The following ZFX variants were observed in gnomAD, a reference collection of about 807,000 sequenced individuals.
ZFX encodes the protein zinc finger X-chromosomal protein.
For missense variants in ZFX, 362 were observed against 628.3 expected (o/e 0.58, Z 4.53); for synonymous variants, 196 against 226.8 (o/e 0.86, Z 1.22).
chrX:24,155,073 C>T (rs948451020), intron 3 of ZFX, among the ~76,000 whole-genome samples: 8 of 110,574 alleles, frequency 7.2e-5, no homozygotes, highest in Admixed American at 6.8e-4. Flanking sequence ...AATAAACCCC[C>T]GTGACAGAAG....
At chrX:24,153,452 GCTCT>G (rs983461299) in intron 3 of ZFX, among the ~76,000 whole-genome samples, 1 of 111,667 alleles carries the variant, frequency 9.0e-6, no homozygotes, top group African/African-American at 3.3e-5. Flanking sequence ...TAGGGACCAA[GCTCT>G]GTGCGTGATG....
intron 3 of ZFX, among the ~76,000 whole-genome samples, chrX:24,168,778 G>A (rs1461370530): frequency 6.5e-5 from 7 of 107,806 alleles, no homozygotes; most frequent in Non-Finnish European, 1.3e-4. Context: ...ACTGGGAAGG[G>A]AATATCTTAC....
Position 24,157,615 on chromosome X carries a change from A to G in ZFX, c.-29+4785A>G, listed in dbSNP as rs1199516141. ...AAAGTGGGTGTCTGCCTTGAAAGAA[A>G]ATCCCATAAATAATAATGGATCATT... is the stretch of plus-strand genomic sequence containing the variant. On this transcript the variant is annotated intron_variant, in intron 3 of 9. Coordinates refer to ENST00000304543, the MANE Select transcript of ZFX (RefSeq NM_003410.4). Among the ~76,000 whole-genome samples, 5 of 112,160 alleles carry G rather than the reference A, an allele frequency of 4.5e-5. No homozygotes were observed. The East Asian group carries it at 1.4e-3, about 31-fold the overall frequency.
At chrX:24,161,803 T>G (rs1239461693) in intron 3 of ZFX, 2 of 107,843 alleles carry the variant, frequency 1.9e-5, no homozygotes, top group Non-Finnish European at 3.8e-5. Flanking sequence ...TTCAAGTGAT[T>G]CTTCTTCTGC....
At chrX:24,154,679 C>A (rs771498628) in intron 3 of ZFX, among the ~76,000 whole-genome samples, 1 of 111,726 alleles carries the variant, frequency 9.0e-6, no homozygotes, top group African/African-American at 3.3e-5. Context: ...GAAACACTTA[C>A]GGGAATCCAG....
chrX:24,174,127 C>T (rs1035611740), intron 4 of ZFX, among the ~76,000 whole-genome samples: 15 of 110,041 alleles, frequency 1.4e-4, no homozygotes, highest in East Asian at 5.8e-4. Context: ...GCCTGAGAAT[C>T]GGTTGAATCT....
rs183457906 is a variant in ZFX, at chrX:24,192,476, A to C, written c.646+12706A>C. 3.8e-3 allele frequency among the ~76,000 whole-genome samples: 426 copies of C among 111,846 alleles called. 2 individuals carry two copies. Among genetic ancestry groups the C allele is most frequent in the African/African-American group, 0.013 (408 of 30,781 alleles). On this transcript the variant is annotated intron_variant, in intron 5 of 9. Coordinates refer to ENST00000304543, the MANE Select transcript of ZFX (RefSeq NM_003410.4). ...AGGTTTATTGACTTCAAGTTTAATT[A>C]GAGTTTGAGACTGATTGTGTCCTCA... is the stretch of plus-strand genomic sequence containing the variant.
chrX:24,190,266 A>G (rs1208673181), intron 5 of ZFX, among the ~76,000 whole-genome samples: 1 of 111,688 alleles, frequency 9.0e-6, no homozygotes, highest in African/African-American at 3.2e-5. Context: ...AGTATACAGT[A>G]CATTGTTATT....
At chrX:24,149,050 A>C (rs1931635017), upstream of ZFX, 1 of 107,954 alleles carries the variant, frequency 9.3e-6, no homozygotes, top group Non-Finnish European at 1.9e-5. Flanking sequence ...CCCTTCCCGC[A>C]CACCCATTTA....
chrX:24,166,606 T>A (rs757086126), intron 3 of ZFX, among the ~76,000 whole-genome samples: 5 of 112,165 alleles, frequency 4.5e-5, no homozygotes, highest in African/African-American at 6.5e-5. Context: ...TGATTTTTTT[T>A]ATTACTGTCT....
chrX:24,204,540 C>T (rs1008174557), intron 5 of ZFX, among the ~76,000 whole-genome samples: 10 of 112,245 alleles, frequency 8.9e-5, no homozygotes, highest in Admixed American at 2.8e-4. Flanking sequence ...CCACCACCAC[C>T]TAGCCTTGGT....
intron 3 of ZFX, among the ~76,000 whole-genome samples, chrX:24,167,045 G>T (rs1934066986): frequency 8.9e-6 from 1 of 111,915 alleles, no homozygotes; most frequent in Non-Finnish European, 1.9e-5. Context: ...TAGTATAGGT[G>T]CCCGCAATGG....
At chrX:24,177,380 G>T (rs1218250962) in intron 4 of ZFX, among the ~76,000 whole-genome samples, 1 of 112,155 alleles carries the variant, frequency 8.9e-6, no homozygotes, top group Non-Finnish European at 1.9e-5. Flanking sequence ...GGCTTCAACT[G>T]ATTCAGTCCT....
At chrX:24,209,994 G>T (rs754970103) in intron 9 of ZFX, among the ~76,000 whole-genome samples, 199 bp from the exon 10 acceptor site, 1 of 111,910 alleles carries the variant, frequency 8.9e-6, no homozygotes, top group East Asian at 2.8e-4. Context: ...CTTCATGAAG[G>T]AAGTTTCCAG....
At chrX:24,164,652 C>A (rs1428983380) in intron 3 of ZFX, among the ~76,000 whole-genome samples, 1 of 111,478 alleles carries the variant, frequency 9.0e-6, no homozygotes, top group African/African-American at 3.3e-5. Context: ...ATATTTAGGG[C>A]TGGGCACGGT....
At chrX:24,182,816 G>A (rs1935792884) in intron 5 of ZFX, among the ~76,000 whole-genome samples, 1 of 111,545 alleles carries the variant, frequency 9.0e-6, no homozygotes, top group Non-Finnish European at 1.9e-5. Flanking sequence ...AGAAAGGATG[G>A]GCTAGTGGAG....
intron 5 of ZFX, among the ~76,000 whole-genome samples, chrX:24,185,730 G>A (rs1313428473): frequency 3.5e-5 from 4 of 112,746 alleles, no homozygotes; most frequent in East Asian, 2.8e-4. Flanking sequence ...GATTACAGGC[G>A]TGAGCCACTG....
At position 24,207,387 on chromosome X, in the gene ZFX, G is replaced by A. The variant is rs779840420; in HGVS notation, c.708G>A (p.Ser236=). 2.1e-5 allele frequency: 25 copies of A among 1,210,468 alleles called. No individual in the cohort carries two copies. Among genetic ancestry groups the A allele is most frequent in the East Asian group, 5.9e-5 (2 of 33,815 alleles). ...GSSGMTMDTE[S]EIDPCKVDGT... is the part of the protein sequence containing the mutation. Reference sequence around the variant, plus strand: ...CTGGAATGACCATGGACACAGAGTCGGAAATTGATCCTTGTAAAGTGGATG... The same window carrying A: ...CTGGAATGACCATGGACACAGAGTCAGAAATTGATCCTTGTAAAGTGGATG... The change falls in exon 6 of 10, where the codon TCG becomes TCA. Residue 236 remains serine (S), a synonymous_variant. Transcript: ENST00000304543.
intron 3 of ZFX, among the ~76,000 whole-genome samples, chrX:24,156,387 C>T (rs1266120837): frequency 9.0e-6 from 1 of 110,837 alleles, no homozygotes; most frequent in Non-Finnish European, 1.9e-5. Flanking sequence ...TCAATACATT[C>T]TTCCCTTACC....
Sources: allele counts gnomAD v4.1 joint callset (sites outside exome capture counted in the v4.1 genomes callset), GRCh38; gene constraint gnomAD v4.1.1; transcripts MANE v1.5; gene names NCBI Gene and HGNC (gene_info 2026-07-23, HGNC 2026-07-21).